The following GALNT15 variants were observed in gnomAD, a reference collection of about 807,000 sequenced individuals.
GALNT15 encodes polypeptide N-acetylgalactosaminyltransferase 15.
In GALNT15, 67 loss-of-function variants were observed where a neutral mutation model predicts 66.8. The observed-to-expected ratio is 1.00, with a 90% CI of 0.82 to 1.23. GALNT15 has a LOEUF of 1.23. GALNT15 is among the 50% of genes most tolerant of loss of function. The pLI, the probability that GALNT15 is intolerant of heterozygous loss-of-function variation, is 0.00. For missense variants in GALNT15, 827 were observed against 804.3 expected (o/e 1.03, Z -0.34); for synonymous variants, 313 against 311.5 (o/e 1.00, Z -0.05).
intron 2 of GALNT15, among the ~76,000 whole-genome samples, chr3:16,197,387 G>T (rs543876746): frequency 6.6e-6 from 1 of 152,212 alleles, no homozygotes; most frequent in African/African-American, 2.4e-5. Flanking sequence ...ACATTGGGGT[G>T]CAAGGCCTTT....
At position 16,181,338 on chromosome 3, in the gene GALNT15, C is replaced by T. The variant is rs1305329050; in HGVS notation, c.539+5648C>T. Among the ~76,000 whole-genome samples the T allele has an allele frequency of 1.3e-5, 2 of 152,072 alleles. No homozygotes were observed. Among genetic ancestry groups the T allele is most frequent in the South Asian group, 2.1e-4 (1 of 4,808 alleles). ...CTTAAAACTCCCCAGGTGGTTCTAT[C>T]GTGAAGCCAGGCTGCAAGGCCCCAG... On this transcript the variant is annotated intron_variant, in intron 1 of 9. Coordinates refer to ENST00000339732, the MANE Select transcript of GALNT15 (RefSeq NM_054110.5). This position sits in a 1 kb window ranked among gnomAD's most constrained non-coding sequence, Gnocchi z 5.9.
downstream of GALNT15, among the ~76,000 whole-genome samples, chr3:16,230,960 G>GC (rs1484103377): frequency 6.6e-6 from 1 of 152,118 alleles, no homozygotes; most frequent in Non-Finnish European, 1.5e-5. The surrounding 1 kb of genome is among the most constrained non-coding windows in gnomAD (Gnocchi z 4.5). Flanking sequence ...ATACTATGCA[G>GC]CCATAAAAAA....
At chr3:16,231,855 G>T (rs2124914126), downstream of GALNT15, 1 of 1,536,434 alleles carries the variant, frequency 6.5e-7, no homozygotes. This position sits in a 1 kb window ranked among gnomAD's most constrained non-coding sequence, Gnocchi z 4.1. Flanking sequence ...CTTTTCAGCA[G>T]ATTGTGAACA....
intron 1 of GALNT15, among the ~76,000 whole-genome samples, chr3:16,190,491 A>G (rs968039885): frequency 1.3e-5 from 2 of 152,054 alleles, no homozygotes; most frequent in African/African-American, 2.4e-5. Context: ...ACAAAAAATT[A>G]GCCGGGCGTG....
chr3:16,233,094 C>CTGTTTTTTTTTTT (rs2064099683), downstream of GALNT15, among the ~76,000 whole-genome samples: 1 of 61,208 alleles, frequency 1.6e-5, no homozygotes, highest in Non-Finnish European at 3.0e-5. Flanking sequence ...GATAATGCAT[C>CTGTTTTTTTTTTT]TTTTTTTTTT....
At chr3:16,223,733 C>T (rs1324645465) in intron 9 of GALNT15, among the ~76,000 whole-genome samples, 1 of 147,132 alleles carries the variant, frequency 6.8e-6, no homozygotes, top group Non-Finnish European at 1.5e-5. Flanking sequence ...CACTCTGTTA[C>T]CCAGGTTGGA....
rs528435825 is a variant in GALNT15 at position 16,193,419 on chromosome 3, G to A, written c.540-2341G>A. On this transcript the variant is annotated intron_variant, in intron 1 of 9. Transcript: ENST00000339732. This position sits in a 1 kb window ranked among gnomAD's most constrained non-coding sequence, Gnocchi z 4.7. ...GTATTTGTATTGTGTGTATTTTTTT[G>A]TGAGTGGCTTCAAATCATTTATGGA... 4.6e-4 allele frequency among the ~76,000 whole-genome samples: 70 copies of A among 151,758 alleles called. No individual in the cohort carries two copies. The highest frequency in any genetic ancestry group is 1.5e-3 in the African/African-American group (62 of 41,374).
In GALNT15 at chr3:16,200,869, A is replaced by G. The variant is rs751700432; in HGVS notation, c.911+46A>G. ...GCAAAGCAAGACATGGAACTGGGAG[A>G]AACAGTCTACAGCATCAGCCACTCA... On this transcript the variant is annotated intron_variant, in intron 3 of 9. Coordinates refer to ENST00000339732, the MANE Select transcript of GALNT15 (RefSeq NM_054110.5). This position sits in a 1 kb window ranked among gnomAD's most constrained non-coding sequence, Gnocchi z 4.4. 2.8e-5 allele frequency: 41 copies of G among 1,485,238 alleles called. No homozygotes were observed. The highest frequency in any genetic ancestry group is 3.7e-5 in the Non-Finnish European group (40 of 1,092,556). 92.0% of individuals were successfully genotyped at this position (1,485,238 alleles called of 1,614,324 possible).
At chr3:16,218,111 C>T (rs1228678786) in intron 6 of GALNT15, among the ~76,000 whole-genome samples, 1 of 152,210 alleles carries the variant, frequency 6.6e-6, no homozygotes, top group African/African-American at 2.4e-5. Flanking sequence ...TTAACTAGCT[C>T]CGTGGCATTT....
chr3:16,202,966 C>T (rs76558824), intron 3 of GALNT15, among the ~76,000 whole-genome samples: 2 of 152,244 alleles, frequency 1.3e-5, no homozygotes, highest in South Asian at 4.1e-4. Context: ...CAGTAATTAA[C>T]ATCATTAAAC....
chr3:16,191,385 C>T lies in GALNT15; in HGVS notation c.540-4375C>T. Reference sequence around the variant, plus strand: ...AACGCATGGTGCTCACTCTGTGCCACCCACTGTTCTTGGTGCTTTATAAAG... The same window carrying T: ...AACGCATGGTGCTCACTCTGTGCCATCCACTGTTCTTGGTGCTTTATAAAG... On this transcript the variant is annotated intron_variant, in intron 1 of 9. Transcript: ENST00000339732. The surrounding 1 kb of genome is among the most constrained non-coding windows in gnomAD (Gnocchi z 5.2). The T allele has an allele frequency of 1.0e-6, 1 of 962,456 alleles. No individual in the cohort carries two copies. The highest frequency in any genetic ancestry group is 1.2e-6 in the Non-Finnish European group (1 of 808,902). 59.6% of individuals were successfully genotyped at this position (962,456 alleles called of 1,614,324 possible).
Position 16,229,550 on chromosome 3 carries a change from C to G in GALNT15, c.*2050C>G, listed in dbSNP as rs953918462. On this transcript the variant is annotated 3_prime_UTR_variant, in exon 10 of 10. Coordinates refer to ENST00000339732, the MANE Select transcript of GALNT15 (RefSeq NM_054110.5). ...GCTTCAGACCCATCTATATTTAAAA[C>G]AAATTTCCCTAAATCCTGAGACTGA... The G allele has an allele frequency of 3.0e-6, 3 of 984,846 alleles. No homozygotes were observed. Among genetic ancestry groups the G allele is most frequent in the Non-Finnish European group, 3.6e-6 (3 of 829,536 alleles). 61.0% of individuals were successfully genotyped at this position (984,846 alleles called of 1,614,324 possible).
chr3:16,204,902 T>C lies in GALNT15; in HGVS notation c.912-3601T>C, dbSNP rs944184983. 2.0e-5 allele frequency among the ~76,000 whole-genome samples: 3 copies of C among 152,280 alleles called. No individual in the cohort carries two copies. The highest frequency in any genetic ancestry group is 4.4e-5 in the Non-Finnish European group (3 of 68,012). On this transcript the variant is annotated intron_variant, in intron 3 of 9. Transcript: ENST00000339732. The surrounding 1 kb of genome is among the most constrained non-coding windows in gnomAD (Gnocchi z 4.5). ...GCTTGTGCATGTGAGTCAGTGTGTG[T>C]GTGTAAGCATGTGAGAGTCTGAGTG...
chr3:16,222,403 G>GT (rs1437187675), intron 8 of GALNT15, among the ~76,000 whole-genome samples: 1 of 152,216 alleles, frequency 6.6e-6, no homozygotes, highest in African/African-American at 2.4e-5. Flanking sequence ...AAATATGAAT[G>GT]TAAGAGCAGG....
chr3:16,207,300 C>T (rs1195595765), intron 3 of GALNT15, among the ~76,000 whole-genome samples: 1 of 151,980 alleles, frequency 6.6e-6, no homozygotes, highest in Non-Finnish European at 1.5e-5. Flanking sequence ...CTTCTAGCCA[C>T]CCTGAAGTTC....
chr3:16,197,571 A>T (rs2124864980), intron 2 of GALNT15, among the ~76,000 whole-genome samples: 1 of 152,280 alleles, frequency 6.6e-6, no homozygotes, highest in South Asian at 2.1e-4. Context: ...GAAAACTGAG[A>T]CAGAAAAAGA....
At chr3:16,196,274 G>A (rs1039141562) in intron 2 of GALNT15, among the ~76,000 whole-genome samples, 21 of 152,042 alleles carry the variant, frequency 1.4e-4, no homozygotes, top group African/African-American at 4.6e-4. Context: ...CACATAGGGC[G>A]GCCCTGTTGT....
chr3:16,243,975 C>T, the GALNT15 span: 1 of 984,768 alleles, frequency 1.0e-6, no homozygotes, highest in Non-Finnish European at 1.2e-6. Context: ...CCAGTCAGAC[C>T]TGGGGGTTGA....
At position 16,183,085 on chromosome 3, in the gene GALNT15, G is replaced by C. The variant is rs368500119; in HGVS notation, c.539+7395G>C. Reference sequence around the variant, plus strand: ...GACCAGTGACTCCCAGTGTGTGCCTGTCTCTGGTTCAGAGGTAGATGCCAG... The same window carrying C: ...GACCAGTGACTCCCAGTGTGTGCCTCTCTCTGGTTCAGAGGTAGATGCCAG... On this transcript the variant is annotated intron_variant, in intron 1 of 9. Transcript: ENST00000339732. The surrounding 1 kb of genome is among the most constrained non-coding windows in gnomAD (Gnocchi z 5.2). 2.3e-4 allele frequency: 35 copies of C among 152,408 alleles called. No individual in the cohort carries two copies. Among genetic ancestry groups the C allele is most frequent in the African/African-American group, 8.4e-4 (35 of 41,568 alleles). 9.4% of individuals were successfully genotyped at this position (152,408 alleles called of 1,614,324 possible).
Sources: gnomAD v4.1 joint callset for allele counts (sites outside exome capture counted in the v4.1 genomes callset) on GRCh38, gnomAD v4.1.1 for gene constraint, Gnocchi (gnomAD v3.1) non-coding constraint, MANE v1.5 for transcripts, NCBI Gene and HGNC (gene_info 2026-07-23, HGNC 2026-07-21) for gene names.